Variants in CARD10 observed in about 807,000 individuals in gnomAD.
CARD10 encodes caspase recruitment domain family member 10, also known as caspase recruitment domain-containing protein 10.
In CARD10, 49 loss-of-function variants were observed where a neutral mutation model predicts 114.6. That is an observed-to-expected ratio of 0.43 (90% CI 0.34 to 0.54). CARD10 has a LOEUF of 0.54. CARD10 is among the 20% of genes least tolerant of loss of function. The pLI is 0.03. For synonymous variants in CARD10, 602 were observed against 593.2 expected, an observed-to-expected ratio of 1.01 and a Z score of -0.21; for missense variants, 1,206 against 1,397.2, an observed-to-expected ratio of 0.86 and a Z score of 2.18.
chr22:37,509,611 A>G (rs112896773), intron 4 of CARD10, among the ~76,000 whole-genome samples: 8,299 of 142,702 alleles, frequency 0.058, 803 homozygotes, highest in African/African-American at 0.21. Flanking sequence ...CCCTGGCCCT[A>G]GTACCTGCTG....
intron 15 of CARD10, among the ~76,000 whole-genome samples, chr22:37,495,018 A>C (rs1299459763): frequency 6.6e-6 from 1 of 151,622 alleles, no homozygotes; most frequent in South Asian, 2.1e-4. Context: ...GCTGGAGTGC[A>C]GTGGCGCGAT....
Position 37,495,625 on chromosome 22 carries a change from A to T in CARD10, c.2304-39T>A, listed in dbSNP as rs540829499. The T allele has an allele frequency of 3.1e-6, 5 of 1,612,290 alleles. No homozygotes were observed. The East Asian group carries it at 1.1e-4, about 36-fold the overall frequency. On this transcript the variant is annotated intron_variant, in intron 14 of 19. Transcript: ENST00000251973. Reference sequence around the variant, plus strand: ...TGACATCATGTGTGTAGAAAGAAGGAAAGCTCCTCATTTCTCCTCGAACCC... The same window carrying T: ...TGACATCATGTGTGTAGAAAGAAGGTAAGCTCCTCATTTCTCCTCGAACCC...
chr22:37,510,594 A>C, intron 3 of CARD10, 173 bp from the exon 4 acceptor site: 1 of 607,506 alleles, frequency 1.6e-6, no homozygotes, highest in South Asian at 2.1e-5. Flanking sequence ...GACAGATATA[A>C]AACAAACAGG....
Position 37,495,897 on chromosome 22 carries a change from A to G in CARD10, c.2166T>C (p.His722=), listed in dbSNP as rs1451017722. Residue 722 remains histidine, a synonymous_variant, in exon 14 of 20, where the codon CAT becomes CAC. Transcript: ENST00000251973. ...NLTLPERADP[H]ALCVKAQEIL... ...TCTCTTGGGCTTTCACGCAAAGGGC[A>G]TGGGGATCTGCCCTCTCAGGCAAGG... 3.7e-6 allele frequency: 6 copies of G among 1,614,132 alleles called. No homozygotes were observed. The highest frequency in any genetic ancestry group is 2.2e-5 in the East Asian group (1 of 44,882).
In CARD10 at chr22:37,495,508, C is replaced by T. The variant is rs369805758; in HGVS notation, c.2373+9G>A. 1.6e-4 allele frequency: 261 copies of T among 1,606,406 alleles called. No individual in the cohort carries two copies. Among genetic ancestry groups the T allele is most frequent in the African/African-American group, 1.5e-3 (110 of 74,998 alleles). On this transcript the variant is annotated intron_variant, in intron 15 of 19. Transcript: ENST00000251973. The stretch of plus-strand genomic sequence containing the variant: ...GCCCCCCACCCACTACCTGCCCAGC[C>T]GTGCTCACATTACTGCGGGGGCCTC...
At position 37,492,594 on chromosome 22, in the gene CARD10, C is replaced by T. The variant is rs774727612; in HGVS notation, c.2636-44G>A. On this transcript the variant is annotated intron_variant, in intron 17 of 19. Transcript: ENST00000251973. The surrounding 1 kb of genome is among the most constrained non-coding windows in gnomAD (Gnocchi z 5.7). Reference sequence around the variant, plus strand: ...GGGAGAGATGAAGGATCCATGGGCCCGGCTGCCCAGAGGGGCACCCAGCCT... The same window carrying T: ...GGGAGAGATGAAGGATCCATGGGCCTGGCTGCCCAGAGGGGCACCCAGCCT... 1.0e-5 allele frequency: 16 copies of T among 1,606,024 alleles called. No individual in the cohort carries two copies. Among genetic ancestry groups the T allele is most frequent in the African/African-American group, 9.4e-5 (7 of 74,818 alleles).
intron 3 of CARD10, chr22:37,510,659 A>C: frequency 1.9e-6 from 1 of 515,208 alleles, no homozygotes; most frequent in Non-Finnish European, 3.4e-6. Flanking sequence ...AGGGGAATCC[A>C]CTCTAAGAAC....
intron 11 of CARD10, among the ~76,000 whole-genome samples, chr22:37,499,792 T>C (rs1306881867): frequency 6.6e-6 from 1 of 151,772 alleles, no homozygotes; most frequent in Non-Finnish European, 1.5e-5. Flanking sequence ...CCAGATAGGG[T>C]TCCTCCCAGC....
chr22:37,507,883 G>A lies in CARD10; in HGVS notation c.1137C>T (p.His379=). The A allele has an allele frequency of 6.2e-7, 1 of 1,614,212 alleles. No individual in the cohort carries two copies. The highest frequency in any genetic ancestry group is 8.5e-7 in the Non-Finnish European group (1 of 1,180,022). The change falls in exon 6 of 20, where the codon CAC becomes CAT. Residue 379 remains histidine, a synonymous_variant. Transcript: ENST00000251973. ...GTTGGGCCAGGACAGTGGCCATGCGGTGCTTGTACAGGTCACAGTCCTTCT... is the reference window on the plus strand; with the variant it reads ...GTTGGGCCAGGACAGTGGCCATGCGATGCTTGTACAGGTCACAGTCCTTCT... ...TLQKDCDLYK[H]RMATVLAQLE... is the part of the protein sequence containing the mutation.
intron 16 of CARD10, among the ~76,000 whole-genome samples, chr22:37,493,610 C>T (rs1041089448): frequency 1.3e-5 from 2 of 152,116 alleles, no homozygotes; most frequent in African/African-American, 2.4e-5. Flanking sequence ...TGAAGGCCCC[C>T]GCGGAAACTC....
Position 37,508,954 on chromosome 22 carries a change from G to C in CARD10, c.910-272C>G, listed in dbSNP as rs898853390. On this transcript the variant is annotated intron_variant, in intron 4 of 19. Coordinates refer to ENST00000251973, the MANE Select transcript of CARD10 (RefSeq NM_014550.4). ...GGGTGTGACTGGACAAGTTCACCCAGGATTATTCCTAAACAAGCACCAGGC... is the reference window on the plus strand; with the variant it reads ...GGGTGTGACTGGACAAGTTCACCCACGATTATTCCTAAACAAGCACCAGGC... The C allele has an allele frequency of 1.4e-5, 21 of 1,531,856 alleles. No homozygotes were observed. In the African/African-American group the frequency reaches 2.2e-4, roughly 16 times the overall value. 94.9% of individuals were successfully genotyped at this position (1,531,856 alleles called of 1,614,324 possible). A position where few individuals can be genotyped will look rare whatever the true frequency, so the allele number is the denominator to read the frequency against.
intron 3 of CARD10, among the ~76,000 whole-genome samples, chr22:37,514,173 C>T (rs1307941219): frequency 2.6e-5 from 4 of 151,918 alleles, no homozygotes; most frequent in Admixed American, 2.6e-4. Flanking sequence ...CTTCTCTGTG[C>T]CTCAGTTTCC....
rs1923953037 is a variant in CARD10 at position 37,519,319 on chromosome 22, C to T, written c.-119G>A. 12 of 1,338,246 alleles carry T rather than the reference C, an allele frequency of 9.0e-6. No individual in the cohort carries two copies. The highest frequency in any genetic ancestry group is 5.7e-5 in the South Asian group (3 of 52,858). The allele number at this position is 1,338,246 out of a possible 1,614,324, so 82.9% of individuals were successfully genotyped here. On this transcript the variant is annotated 5_prime_UTR_variant, in exon 1 of 20. Transcript: ENST00000251973. This position sits in a 1 kb window ranked among gnomAD's most constrained non-coding sequence, Gnocchi z 4.1. ...GTCCGCAGACCCGCCGTCGGGGGCGCGCCCCGAGCTCCCCGCGACTCACCC... is the reference window on the plus strand; with the variant it reads ...GTCCGCAGACCCGCCGTCGGGGGCGTGCCCCGAGCTCCCCGCGACTCACCC...
At chr22:37,502,799 A>AC in intron 10 of CARD10, 74 bp from the exon 11 acceptor site, 1 of 1,517,852 alleles carries the variant, frequency 6.6e-7, no homozygotes, top group Non-Finnish European at 8.8e-7. Context: ...ACAGGGACTG[A>AC]CCCCCCTCCA....
At chr22:37,510,709 C>T in intron 3 of CARD10, 1 of 437,528 alleles carries the variant, frequency 2.3e-6, no homozygotes, top group South Asian at 4.0e-5. Flanking sequence ...GCTGTCTGTC[C>T]CGCACTTCTG....
Position 37,508,646 on chromosome 22 carries a change from T to C in CARD10, c.946A>G (p.Ile316Val), listed in dbSNP as rs1466459183. Reference sequence around the variant, plus strand: ...TCATGCTCTAGGATGTCCAGCAGGATGCGCTCGGAGCCCGGGGCCCCCGGC... The same window carrying C: ...TCATGCTCTAGGATGTCCAGCAGGACGCGCTCGGAGCCCGGGGCCCCCGGC... ...SRPGAPGSER[I>V]LLDILEHDWR... is the part of the protein sequence containing the mutation. Residue 316 changes from isoleucine to valine, a missense_variant, in exon 5 of 20, where the codon ATC becomes GTC. Transcript: ENST00000251973. The C allele has an allele frequency of 6.3e-7, 1 of 1,583,444 alleles. No homozygotes were observed. Among genetic ancestry groups the C allele is most frequent in the East Asian group, 2.3e-5 (1 of 43,766 alleles).
At chr22:37,507,805 C>T (rs766370499) in intron 6 of CARD10, 24 bp downstream of exon 6, 2 of 1,613,874 alleles carry the variant, frequency 1.2e-6, no homozygotes, top group Non-Finnish European at 1.7e-6. Context: ...GGCCCAGGGC[C>T]TCGTACACGC....
At position 37,508,055 on chromosome 22, in the gene CARD10, GTC is replaced by G; in HGVS notation, c.1066-103_1066-102del. 12 of 1,418,220 alleles carry G rather than the reference GTC, an allele frequency of 8.5e-6. No homozygotes were observed. The South Asian group carries it at 1.4e-4, about 16-fold the overall frequency. 87.9% of individuals were successfully genotyped at this position (1,418,220 alleles called of 1,614,324 possible). ...GGCCAGTGAGAGACGCTCACCAACA[GTC>G]TGAGACCCAATAACAAGTCCCCTCC... On this transcript the variant is annotated intron_variant, in intron 5 of 19. Transcript: ENST00000251973.
In CARD10 at chr22:37,510,292, C is replaced by T. The variant is rs765580402; in HGVS notation, c.829G>A (p.Val277Met). The T allele has an allele frequency of 1.2e-6, 2 of 1,604,044 alleles. No homozygotes were observed. The highest frequency in any genetic ancestry group is 2.2e-5 in the South Asian group (2 of 91,006). ...GCACGCAGCTCAGAGACAAGGTCCA[C>T]ATTGTCTGGCTCCTTCTCCTTCTCC... ...EKEKEKEPDN[V>M]DLVSELRAEN... The change falls in exon 4 of 20, where the codon GTG becomes ATG. Residue 277 changes from valine (V) to methionine (M), a missense_variant. Physicochemically the swap from Val to Met is conservative, Grantham distance 21. Coordinates refer to ENST00000251973, the MANE Select transcript of CARD10 (RefSeq NM_014550.4).
Sources: gnomAD v4.1 joint callset for allele counts (sites outside exome capture counted in the v4.1 genomes callset) on GRCh38, gnomAD v4.1.1 for gene constraint, Gnocchi (gnomAD v3.1) non-coding constraint, MANE v1.5 for transcripts, NCBI Gene and HGNC (gene_info 2026-07-23, HGNC 2026-07-21) for gene names.